Variants in ANK2 observed in about 807,000 individuals in gnomAD.
The protein encoded by ANK2 is ankyrin-2.
A neutral mutation model predicts 360.5 loss-of-function variants in ANK2; 83 were observed. That is an observed-to-expected ratio of 0.23 (90% confidence interval 0.19 to 0.28). The LOEUF (loss-of-function observed/expected upper bound fraction) is 0.28, where lower values mean the gene tolerates loss of function less well. Ranked by LOEUF, ANK2 falls within the 10% of genes least tolerant of loss-of-function variation. ANK2 has a pLI of 1.00. For missense variants in ANK2, 4,201 were observed against 4,795.7 expected, an observed-to-expected ratio of 0.88 and a Z score of 3.66; for synonymous variants, 1,740 against 1,759.5, an observed-to-expected ratio of 0.99 and a Z score of 0.28.
chr4:113,367,674 A>G lies in ANK2; in HGVS notation c.11141A>G (p.Glu3714Gly). The change falls in exon 42 of 46, where the codon GAG (glutamate) becomes GGG (glycine). Residue 3714 changes from glutamate to glycine, a missense_variant. Around this residue, in one of 4 missense-constraint regions of ANK2, gnomAD observed 2,642 missense variants for 2,714.5 expected, o/e 0.97. Coordinates refer to ENST00000357077, the MANE Select transcript of ANK2 (RefSeq NM_001148.6). The part of the protein sequence containing the change: ...ETCDHPPIVS[E>G]EDISVGYSTF... ...TGCGATCACCCTCCTATCGTCTCAG[A>G]GGAAGACATTTCTGTTGGTTATTCC... The G allele has an allele frequency of 1.2e-6, 2 of 1,614,008 alleles. No individual in the cohort carries two copies. Among genetic ancestry groups the G allele is most frequent in the Non-Finnish European group, 1.7e-6 (2 of 1,180,002 alleles).
chr4:112,862,593 A>G lies in ANK2; in HGVS notation c.-39-41862A>G, dbSNP rs540346572. 7.2e-5 allele frequency among the ~76,000 whole-genome samples: 11 copies of G among 152,340 alleles called. No individual in the cohort carries two copies. The East Asian group carries it at 2.1e-3, about 29-fold the overall frequency. ...GTTTATAGACTCTGGTTTGAATCCA[A>G]ATCCTTTCAGAAGTGTTCTCTTCAT... On this transcript the variant is annotated intron_variant, in intron 1 of 30. Transcript: ENST00000503271.
chr4:112,965,437 T>G (rs1027812667), intron 2 of ANK2, among the ~76,000 whole-genome samples: 1 of 152,212 alleles, frequency 6.6e-6, no homozygotes, highest in East Asian at 1.9e-4. Flanking sequence ...TGCAAATATT[T>G]TCTCCCGTCC....
At position 113,353,523 on chromosome 4, in the gene ANK2, G is replaced by A; in HGVS notation, c.4905G>A (p.Gly1635=). The change falls in exon 38 of 46, where the codon GGG becomes GGA. Residue 1635 remains glycine (G), a synonymous_variant. Transcript: ENST00000357077. ...IKGKVEKDST[G]LVNYLTDDLN... ...GAAAAGTAGAGAAAGACTCAACTGGGCTAGTGAACTACCTTACTGATGATC... is the reference window on the plus strand; with the variant it reads ...GAAAAGTAGAGAAAGACTCAACTGGACTAGTGAACTACCTTACTGATGATC... The A allele has an allele frequency of 6.2e-7, 1 of 1,614,000 alleles. No individual in the cohort carries two copies. Among genetic ancestry groups the A allele is most frequent in the Non-Finnish European group, 8.5e-7 (1 of 1,179,946 alleles).
intron 2 of ANK2, among the ~76,000 whole-genome samples, chr4:112,991,849 G>GTT (rs78414072): frequency 1.4e-5 from 2 of 146,094 alleles, no homozygotes; most frequent in African/African-American, 5.0e-5. Flanking sequence ...GTTCAGCCAA[G>GTT]TTTTTTTTTT....
At chr4:112,963,305 TTAA>T (rs2035717419) in intron 2 of ANK2, among the ~76,000 whole-genome samples, 1 of 152,200 alleles carries the variant, frequency 6.6e-6, no homozygotes, top group African/African-American at 2.4e-5. Context: ...CCTTTAGAGC[TTAA>T]TAATGTACAA....
chr4:113,315,071 T>C (rs10023495), intron 24 of ANK2, among the ~76,000 whole-genome samples: 23,581 of 152,192 alleles, frequency 0.15, 2,623 homozygotes, highest in African/African-American at 0.32. Context: ...CCTTCTTTCT[T>C]TTCTTATCCC....
intron 1 of ANK2, among the ~76,000 whole-genome samples, chr4:112,828,525 G>A (rs964932043): frequency 2.6e-5 from 4 of 152,012 alleles, no homozygotes; most frequent in South Asian, 2.1e-4. Context: ...GAGCCACCGC[G>A]CCCAGCTGAA....
chr4:113,177,216 G>A (rs1562643655), intron 2 of ANK2, among the ~76,000 whole-genome samples: 1 of 152,144 alleles, frequency 6.6e-6, no homozygotes, highest in Non-Finnish European at 1.5e-5. Context: ...GAGTAGCTGG[G>A]ACTACAGGCG....
At chr4:112,819,080 C>T (rs1307860990) in intron 1 of ANK2, among the ~76,000 whole-genome samples, 3 of 152,194 alleles carry the variant, frequency 2.0e-5, no homozygotes, top group Admixed American at 1.3e-4. Flanking sequence ...CTCACCTCGA[C>T]GATGTCTTAG....
At chr4:113,215,513 G>A (rs1202329843) in intron 4 of ANK2, among the ~76,000 whole-genome samples, 1 of 152,152 alleles carries the variant, frequency 6.6e-6, no homozygotes, top group Non-Finnish European at 1.5e-5. Flanking sequence ...TTGAGACTGA[G>A]AGATTACTAT....
At chr4:112,782,871 AAAAAAAC>A in the ANK2 span, among the ~76,000 whole-genome samples, 46,684 of 150,594 alleles carry the variant, frequency 0.31, 7,356 homozygotes, top group East Asian at 0.34. Flanking sequence ...CTCCATCTCA[AAAAAAAC>A]AAAAAACAAA....
At chr4:113,009,352 T>A (rs948597535) in intron 2 of ANK2, among the ~76,000 whole-genome samples, 2 of 152,178 alleles carry the variant, frequency 1.3e-5, no homozygotes, top group Non-Finnish European at 2.9e-5. Flanking sequence ...ATTTTATGTG[T>A]TCTCTATATA....
At chr4:112,827,499 G>T (rs2058657217) in intron 1 of ANK2, 2 of 1,300,254 alleles carry the variant, frequency 1.5e-6, no homozygotes, top group African/African-American at 2.9e-5. Context: ...CCAAACAGTT[G>T]CTTCATCTAA....
chr4:112,770,808 G>A, the ANK2 span, among the ~76,000 whole-genome samples: 1 of 152,162 alleles, frequency 6.6e-6, no homozygotes, highest in African/African-American at 2.4e-5. Context: ...TAGACTGAGG[G>A]TGGGGGCCAA....
chr4:113,313,434 C>T (rs58226848), intron 24 of ANK2, among the ~76,000 whole-genome samples: 28,674 of 151,984 alleles, frequency 0.19, 4,516 homozygotes, highest in African/African-American at 0.44. Flanking sequence ...CTGCTTAAAT[C>T]CAATACTTTT....
chr4:113,083,757 G>A (rs912541674), intron 1 of ANK2, among the ~76,000 whole-genome samples: 8 of 152,122 alleles, frequency 5.3e-5, no homozygotes, highest in Non-Finnish European at 1.2e-4. Flanking sequence ...CTAGCCAACA[G>A]CAAGAATTTA....
chr4:113,152,992 G>A (rs1174004412), intron 1 of ANK2, among the ~76,000 whole-genome samples: 2 of 152,182 alleles, frequency 1.3e-5, no homozygotes, highest in African/African-American at 4.8e-5. Context: ...TTAAAGCTAT[G>A]TGAAAGCCAG....
chr4:113,086,128 C>A (rs1420951451), intron 1 of ANK2, among the ~76,000 whole-genome samples: 1 of 152,064 alleles, frequency 6.6e-6, no homozygotes, highest in South Asian at 2.1e-4. Context: ...GAAATCATAT[C>A]TTTAATATAA....
At chr4:113,113,184 C>CT (rs11459209) in intron 1 of ANK2, among the ~76,000 whole-genome samples, 32,725 of 116,162 alleles carry the variant, frequency 0.28, 3,737 homozygotes, top group African/African-American at 0.36. Context: ...TGAGCACATT[C>CT]TTTTTTTTTT....
Sources: allele counts gnomAD v4.1 joint callset (sites outside exome capture counted in the v4.1 genomes callset), GRCh38; gene constraint gnomAD v4.1.1; regional missense constraint gnomAD v4.1.1; transcripts MANE v1.5; gene names NCBI Gene and HGNC (gene_info 2026-07-23, HGNC 2026-07-21).